PDE11A: variants seen among roughly 807,000 people sequenced by gnomAD.
PDE11A encodes phosphodiesterase 11A.
PDE11A carries 100 observed loss-of-function variants against 100.5 expected under a neutral mutation model. The ratio of observed to expected loss-of-function variants is 1.00; its 90% CI spans 0.85 to 1.18. The LOEUF (loss-of-function observed/expected upper bound fraction) is 1.18, where lower values mean the gene tolerates loss of function less well. Ranked by LOEUF, PDE11A falls within the 50% of genes most tolerant of loss-of-function variation. PDE11A has a pLI of 0.00. For synonymous variants in PDE11A, 381 were observed against 420.8 expected (o/e 0.91, Z 1.16); for missense variants, 1,141 against 1,152.6 (o/e 0.99, Z 0.15).
rs867443559 is a variant in PDE11A, at chr2:178,041,245, A to T, written c.913-26785T>A. On this transcript the variant is annotated intron_variant, in intron 1 of 19. Coordinates refer to ENST00000286063, the MANE Select transcript of PDE11A (RefSeq NM_016953.4). ...GTGAGCCTCCATGTCAAGCTCAGAAATTTTTTTTTTTTTTTTGAGACAGAG... is the reference window on the plus strand; with the variant it reads ...GTGAGCCTCCATGTCAAGCTCAGAATTTTTTTTTTTTTTTTTGAGACAGAG... 5.5e-4 allele frequency among the ~76,000 whole-genome samples: 76 copies of T among 139,194 alleles called. 1 individual carries two copies. In the South Asian group the frequency reaches 0.014, roughly 25 times the overall value. 91.3% of individuals were successfully genotyped at this position (139,194 alleles called of 152,430 possible).
chr2:177,795,686 A>G (rs972387977), intron 9 of PDE11A, among the ~76,000 whole-genome samples: 4 of 151,834 alleles, frequency 2.6e-5, no homozygotes, highest in African/African-American at 7.3e-5. Context: ...GATATATGAT[A>G]ATTTACATAT....
At chr2:177,815,388 A>G (rs753540775) in intron 9 of PDE11A, among the ~76,000 whole-genome samples, 1 of 152,210 alleles carries the variant, frequency 6.6e-6, no homozygotes, top group Non-Finnish European at 1.5e-5. Flanking sequence ...TTAATGCTAT[A>G]CTAATGATTC....
chr2:177,710,478 T>C (rs374055351), intron 13 of PDE11A, among the ~76,000 whole-genome samples: 2 of 152,154 alleles, frequency 1.3e-5, no homozygotes, highest in Admixed American at 6.5e-5. Flanking sequence ...CAGCGAGTTC[T>C]AGCGTCCAGC....
chr2:177,698,492 C>T (rs1439444640), intron 14 of PDE11A: 2 of 152,080 alleles, frequency 1.3e-5, no homozygotes, highest in African/African-American at 2.4e-5. Context: ...AGTTTTAAAT[C>T]TCGTGTTGAG....
chr2:178,095,576 T>C (rs1409688708), intron 2 of PDE11A, among the ~76,000 whole-genome samples: 1 of 152,218 alleles, frequency 6.6e-6, no homozygotes, highest in Non-Finnish European at 1.5e-5. Context: ...TGGAGAATGG[T>C]GGCCCCCTTC....
intron 2 of PDE11A, among the ~76,000 whole-genome samples, chr2:177,945,310 C>T (rs1200610057): frequency 1.3e-5 from 2 of 148,564 alleles, no homozygotes; most frequent in Non-Finnish European, 3.0e-5. Context: ...GCCCCTCTGC[C>T]TGGCTGCCCA....
chr2:177,807,023 T>A (rs1176213981), intron 9 of PDE11A, among the ~76,000 whole-genome samples: 1 of 152,090 alleles, frequency 6.6e-6, no homozygotes, highest in Non-Finnish European at 1.5e-5. Flanking sequence ...GCCAAGTATT[T>A]TCTGAAATCA....
intron 9 of PDE11A, among the ~76,000 whole-genome samples, chr2:177,799,332 A>T (rs1218593785): frequency 6.6e-6 from 1 of 152,200 alleles, no homozygotes; most frequent in Non-Finnish European, 1.5e-5. Flanking sequence ...TGATAATAAT[A>T]TAGCAATATG....
intron 10 of PDE11A, among the ~76,000 whole-genome samples, chr2:177,753,260 C>G (rs1379464346): frequency 6.6e-6 from 1 of 152,164 alleles, no homozygotes; most frequent in Non-Finnish European, 1.5e-5. Context: ...GTAATTTAAT[C>G]ATTTATTTTT....
chr2:177,879,493 T>G (rs2084295836), intron 4 of PDE11A, among the ~76,000 whole-genome samples: 1 of 152,156 alleles, frequency 6.6e-6, no homozygotes, highest in African/African-American at 2.4e-5. Flanking sequence ...GAATTACAAA[T>G]GTGAAAGTAA....
chr2:177,673,551 G>T (rs1000596584), intron 17 of PDE11A, among the ~76,000 whole-genome samples: 3 of 152,124 alleles, frequency 2.0e-5, no homozygotes, highest in Non-Finnish European at 2.9e-5. Flanking sequence ...CTGTATTTTG[G>T]GTGTGTGTAG....
intron 1 of PDE11A, among the ~76,000 whole-genome samples, chr2:178,037,569 T>C (rs1164332255): frequency 1.3e-5 from 2 of 152,150 alleles, no homozygotes; most frequent in South Asian, 4.1e-4. Context: ...GACCCATGCG[T>C]ACATGTGTTT....
chr2:177,653,404 C>G (rs1234309095), intron 19 of PDE11A, among the ~76,000 whole-genome samples: 1 of 152,164 alleles, frequency 6.6e-6, no homozygotes, highest in Non-Finnish European at 1.5e-5. Context: ...ACCTTTCTTT[C>G]CCTCTTGTTT....
intron 9 of PDE11A, among the ~76,000 whole-genome samples, chr2:177,814,079 G>A (rs1280746222): frequency 6.6e-6 from 1 of 152,006 alleles, no homozygotes; most frequent in Non-Finnish European, 1.5e-5. Flanking sequence ...AGGGTAACAT[G>A]GCATTTGGCT....
chr2:177,739,655 A>T (rs2081844083), intron 10 of PDE11A, among the ~76,000 whole-genome samples: 1 of 152,230 alleles, frequency 6.6e-6, no homozygotes, highest in Non-Finnish European at 1.5e-5. Context: ...TCTGAAATGA[A>T]GCATCTCTCT....
chr2:177,740,390 T>C (rs550253424), intron 10 of PDE11A, among the ~76,000 whole-genome samples: 12 of 152,356 alleles, frequency 7.9e-5, no homozygotes, highest in African/African-American at 2.4e-4. Flanking sequence ...AGAAACTTTT[T>C]TTCATCATGG....
intron 2 of PDE11A, among the ~76,000 whole-genome samples, chr2:177,911,935 G>A (rs2084886969): frequency 1.3e-5 from 2 of 152,018 alleles, no homozygotes; most frequent in Admixed American, 1.3e-4. Context: ...CATGTCTTTT[G>A]AAATTGTCCA....
At chr2:177,897,307 CT>C (rs1266519391) in intron 4 of PDE11A, among the ~76,000 whole-genome samples, 1 of 152,206 alleles carries the variant, frequency 6.6e-6, no homozygotes, top group Non-Finnish European at 1.5e-5. Context: ...AGATTTCCCC[CT>C]GAAAGCCAAA....
chr2:177,998,605 A>G (rs1370917418), intron 2 of PDE11A: 2 of 1,298,890 alleles, frequency 1.5e-6, no homozygotes, highest in African/African-American at 1.5e-5. Flanking sequence ...AATTCTGTAA[A>G]ATGCTTAAAG....
Sources: allele counts gnomAD v4.1 joint callset (sites outside exome capture counted in the v4.1 genomes callset), GRCh38; gene constraint gnomAD v4.1.1; transcripts MANE v1.5; gene names NCBI Gene and HGNC (gene_info 2026-07-23, HGNC 2026-07-21).